SHC3: variants seen among roughly 807,000 people sequenced by gnomAD.
SHC3 encodes the protein SHC adaptor protein 3.
SHC3 carries 15 observed loss-of-function variants against 60.4 expected under a neutral mutation model. The observed-to-expected ratio is 0.25, with a 90% CI of 0.17 to 0.38. The LOEUF is 0.38. Among genes scored for constraint, SHC3 ranks in the 10% least tolerant of loss-of-function variants. The probability of loss-of-function intolerance (pLI) is 1.00; values close to 1 mark genes in which losing one functional copy is unlikely to be tolerated. For missense variants in SHC3, 677 were observed against 786.1 expected (o/e 0.86, Z 1.66); for synonymous variants, 294 against 325.9 (o/e 0.90, Z 1.05).
Position 89,151,393 on chromosome 9 carries a change from A to C in SHC3, c.474+26594T>G, listed in dbSNP as rs559691263. 2.6e-5 allele frequency among the ~76,000 whole-genome samples: 4 copies of C among 152,144 alleles called. No individual in the cohort carries two copies. In the East Asian group the frequency reaches 5.8e-4, roughly 22 times the overall value. ...ATAAAGTCATGAGGGCTCTGTCCTC[A>C]TTAATGGGATTAGTGGCCTCATAAA... On this transcript the variant is annotated intron_variant, in intron 1 of 11. Transcript: ENST00000375835.
chr9:89,108,128 T>C (rs762055515), intron 2 of SHC3, among the ~76,000 whole-genome samples: 4 of 152,208 alleles, frequency 2.6e-5, no homozygotes, highest in African/African-American at 4.8e-5. Flanking sequence ...CTATGCTATA[T>C]AGCCTAGGTG....
intron 7 of SHC3, among the ~76,000 whole-genome samples, chr9:89,049,973 T>C (rs991907953): frequency 4.0e-5 from 6 of 151,740 alleles, no homozygotes; most frequent in African/African-American, 1.4e-4. Context: ...TATTGCTCAA[T>C]TAAACTCCTT....
At chr9:89,047,211 T>G (rs1051993543) in intron 7 of SHC3, among the ~76,000 whole-genome samples, 3 of 152,252 alleles carry the variant, frequency 2.0e-5, no homozygotes, top group African/African-American at 7.2e-5. Context: ...TCAATCATGT[T>G]TGAAGGATGT....
intron 11 of SHC3, among the ~76,000 whole-genome samples, chr9:89,033,321 A>G (rs1192508238): frequency 6.6e-6 from 1 of 152,194 alleles, no homozygotes; most frequent in Non-Finnish European, 1.5e-5. Flanking sequence ...AAGATGACAT[A>G]TTTAACTAGA....
At chr9:89,143,131 C>A (rs192872004) in intron 1 of SHC3, among the ~76,000 whole-genome samples, 1 of 152,322 alleles carries the variant, frequency 6.6e-6, no homozygotes, top group African/African-American at 2.4e-5. Context: ...GTAGACAGAG[C>A]AGCCCCAAAG....
intron 1 of SHC3, among the ~76,000 whole-genome samples, chr9:89,114,609 A>G (rs1021389582): frequency 3.3e-5 from 5 of 152,174 alleles, no homozygotes; most frequent in Admixed American, 6.6e-5. Flanking sequence ...CTGAGCATCT[A>G]TGGATTTTGG....
chr9:89,165,827 C>T (rs59222766), intron 1 of SHC3, among the ~76,000 whole-genome samples: 2 of 152,124 alleles, frequency 1.3e-5, no homozygotes, highest in Non-Finnish European at 2.9e-5. Context: ...CACCAGTTAG[C>T]GACACAGACC....
intron 2 of SHC3, among the ~76,000 whole-genome samples, chr9:89,098,627 G>A (rs531688096): frequency 2.6e-5 from 4 of 152,272 alleles, no homozygotes; most frequent in South Asian, 2.1e-4. Flanking sequence ...TGGCTAACAC[G>A]GTGAAACCCG....
intron 1 of SHC3, among the ~76,000 whole-genome samples, chr9:89,116,993 G>A (rs1339982602): frequency 1.3e-5 from 2 of 152,156 alleles, no homozygotes; most frequent in Admixed American, 6.5e-5. Flanking sequence ...CTGCTCCTCT[G>A]TCATAGGGTT....
At position 89,046,908 on chromosome 9, in the gene SHC3, G is replaced by C; in HGVS notation, c.1049C>G (p.Pro350Arg). 6.2e-7 allele frequency: 1 copy of C among 1,610,984 alleles called. No individual in the cohort carries two copies. ...PYYNSIPSKM[P>R]PPGGFLDTRL... Reference sequence around the variant, plus strand: ...AGTATCAAGAAAGCCCCCTGGAGGAGGCATCTTGCTTGGGATGCTGTTGTA... The same window carrying C: ...AGTATCAAGAAAGCCCCCTGGAGGACGCATCTTGCTTGGGATGCTGTTGTA... Residue 350 changes from proline to arginine, a missense_variant, in exon 8 of 12, where the codon CCT becomes CGT. Pro to Arg is a moderately radical substitution (Grantham distance 103). Coordinates refer to ENST00000375835, the MANE Select transcript of SHC3 (RefSeq NM_016848.6).
chr9:89,104,294 C>T (rs750939939), intron 2 of SHC3, among the ~76,000 whole-genome samples: 6 of 152,146 alleles, frequency 3.9e-5, no homozygotes, highest in Non-Finnish European at 7.3e-5. Context: ...CCTGGATGGG[C>T]AGCATGAGCA....
chr9:89,178,191 C>A lies in SHC3; in HGVS notation c.270G>T (p.Glu90Asp). Reference protein sequence around the residue: ...GLRGLSSAARERAGARLSGSC... With the variant: ...GLRGLSSAARDRAGARLSGSC... ...TGCCCGAGAGCCGCGCGCCCGCCCGCTCCCGGGCGGCCGACGACAGGCCGC... is the reference window on the plus strand; with the variant it reads ...TGCCCGAGAGCCGCGCGCCCGCCCGATCCCGGGCGGCCGACGACAGGCCGC... The change falls in exon 1 of 12, where the codon GAG becomes GAT. Residue 90 changes from glutamate to aspartate, a missense_variant. Transcript: ENST00000375835. This position sits in a 1 kb window ranked among gnomAD's most constrained non-coding sequence, Gnocchi z 6.9. 2.2e-6 allele frequency: 3 copies of A among 1,361,788 alleles called. No individual in the cohort carries two copies. In the East Asian group the frequency reaches 9.3e-5, roughly 42 times the overall value. 84.4% of individuals were successfully genotyped at this position (1,361,788 alleles called of 1,614,324 possible). A position where few individuals can be genotyped will look rare whatever the true frequency, so the allele number is the denominator to read the frequency against.
At chr9:89,144,793 CTT>C (rs111787286) in intron 1 of SHC3, among the ~76,000 whole-genome samples, 1 of 146,306 alleles carries the variant, frequency 6.8e-6, no homozygotes, top group Non-Finnish European at 1.5e-5. Flanking sequence ...TGTCATGAGC[CTT>C]TTTTTTTTGG....
intron 2 of SHC3, among the ~76,000 whole-genome samples, chr9:89,100,043 T>C (rs1293461869): frequency 1.3e-5 from 2 of 152,214 alleles, no homozygotes; most frequent in African/African-American, 4.8e-5. Flanking sequence ...GGAGCTTCTC[T>C]GCTGTAGAAT....
intron 1 of SHC3, among the ~76,000 whole-genome samples, chr9:89,153,579 AC>A (rs1826576954): frequency 6.6e-6 from 1 of 152,088 alleles, no homozygotes; most frequent in African/African-American, 2.4e-5. Flanking sequence ...AAAGCTGAGA[AC>A]CCTCATTTGG....
Position 89,178,346 on chromosome 9 carries a change from C to A in SHC3, c.115G>T (p.Ala39Ser). ...AAGTAGGGAGCCGCCGCCGGGGTCG[C>A]GCGCGCCGCCGAAACCTTGCCTCCG... ...GGGGKVSAARATPAAAPYLVS... is the reference protein window; with the variant it reads ...GGGGKVSAARSTPAAAPYLVS... The change falls in exon 1 of 12, where the codon GCG (alanine) becomes TCG (serine). Residue 39 changes from alanine to serine, a missense_variant. Ala to Ser is a moderately conservative substitution (Grantham distance 99). Transcript: ENST00000375835. This position sits in a 1 kb window ranked among gnomAD's most constrained non-coding sequence, Gnocchi z 6.9. 6.3e-7 allele frequency: 1 copy of A among 1,594,528 alleles called. No homozygotes were observed.
chr9:89,057,326 T>C (rs560934979), intron 6 of SHC3, among the ~76,000 whole-genome samples: 55 of 149,642 alleles, frequency 3.7e-4, no homozygotes, highest in African/African-American at 1.3e-3. Context: ...TTTTTTTTTT[T>C]TTTTTTTTTA....
At chr9:89,112,931 G>A (rs1825971285) in intron 1 of SHC3, among the ~76,000 whole-genome samples, 1 of 151,958 alleles carries the variant, frequency 6.6e-6, no homozygotes, top group Non-Finnish European at 1.5e-5. Context: ...GTGAAATCCA[G>A]GGATCTTAAA....
intron 1 of SHC3, among the ~76,000 whole-genome samples, chr9:89,131,597 G>T (rs1316543828): frequency 6.6e-6 from 1 of 152,126 alleles, no homozygotes; most frequent in Non-Finnish European, 1.5e-5. Flanking sequence ...CGCAAGGCTG[G>T]TACAACATAC....
Sources: gnomAD v4.1 joint callset for allele counts (sites outside exome capture counted in the v4.1 genomes callset) on GRCh38, gnomAD v4.1.1 for gene constraint, Gnocchi (gnomAD v3.1) non-coding constraint, MANE v1.5 for transcripts, NCBI Gene and HGNC (gene_info 2026-07-23, HGNC 2026-07-21) for gene names.